The following FHIT variants were observed in gnomAD, a reference collection of about 807,000 sequenced individuals.
FHIT encodes bis(5'-adenosyl)-triphosphatase.
FHIT carries 19 observed loss-of-function variants against 17.9 expected under a neutral mutation model. The ratio of observed to expected loss-of-function variants is 1.06; its 90% CI spans 0.74 to 1.56. FHIT has a LOEUF of 1.56. Ranked by LOEUF, FHIT falls within the 40% of genes most tolerant of loss-of-function variation. The pLI, the probability that FHIT is intolerant of heterozygous loss-of-function variation, is 0.00. For synonymous variants in FHIT, 81 were observed against 69.7 expected (o/e 1.16, Z -0.81); for missense variants, 248 against 189.2 (o/e 1.31, Z -1.82).
chr3:60,711,391 G>A (rs1159529819), intron 4 of FHIT, among the ~76,000 whole-genome samples: 10 of 152,198 alleles, frequency 6.6e-5, no homozygotes, highest in African/African-American at 2.2e-4. Flanking sequence ...AAGGAACGCA[G>A]CTCCTCACCA....
At chr3:61,226,172 A>G (rs551528531) in intron 1 of FHIT, among the ~76,000 whole-genome samples, 26 of 152,330 alleles carry the variant, frequency 1.7e-4, no homozygotes, top group South Asian at 2.1e-4. Context: ...CAAAGATAAC[A>G]GTCGTGGCAT....
At chr3:60,707,053 C>G (rs2041391176) in intron 4 of FHIT, among the ~76,000 whole-genome samples, 1 of 152,168 alleles carries the variant, frequency 6.6e-6, no homozygotes, top group South Asian at 2.1e-4. Context: ...ACATTTTTGA[C>G]ATTTACTTCA....
At chr3:60,978,599 T>G (rs1710362938) in intron 3 of FHIT, among the ~76,000 whole-genome samples, 1 of 152,222 alleles carries the variant, frequency 6.6e-6, no homozygotes, top group Non-Finnish European at 1.5e-5. Context: ...ATTTGCAATC[T>G]GTGTGGTCAC....
intron 8 of FHIT, among the ~76,000 whole-genome samples, chr3:59,848,603 A>G (rs1245812500): frequency 6.6e-6 from 1 of 152,206 alleles, no homozygotes; most frequent in Non-Finnish European, 1.5e-5. Context: ...TTCTTCTGAA[A>G]TTCCCAAAGT....
chr3:60,694,169 G>A (rs1272729643), intron 4 of FHIT, among the ~76,000 whole-genome samples: 1 of 152,132 alleles, frequency 6.6e-6, no homozygotes, highest in African/African-American at 2.4e-5. Context: ...ACATGGGTAA[G>A]GAACAGTAAG....
At chr3:60,420,353 TTTG>T (rs1702422954) in intron 5 of FHIT, among the ~76,000 whole-genome samples, 1 of 152,170 alleles carries the variant, frequency 6.6e-6, no homozygotes, top group African/African-American at 2.4e-5. Context: ...ATCAAAATTC[TTTG>T]TTTTCATTTT....
chr3:60,018,679 T>C (rs998111260), intron 5 of FHIT, among the ~76,000 whole-genome samples: 1 of 152,122 alleles, frequency 6.6e-6, no homozygotes, highest in East Asian at 1.9e-4. Flanking sequence ...TCATAGAGCC[T>C]TAAAACAACA....
chr3:60,262,207 A>C (rs4679650), intron 5 of FHIT, among the ~76,000 whole-genome samples: 2 of 151,928 alleles, frequency 1.3e-5, no homozygotes, highest in East Asian at 1.9e-4. Flanking sequence ...TGAAGATCCA[A>C]AGAATGTCAA....
intron 8 of FHIT, among the ~76,000 whole-genome samples, chr3:59,819,012 G>T (rs1700701272): frequency 6.6e-6 from 1 of 152,222 alleles, no homozygotes; most frequent in Admixed American, 6.5e-5. Flanking sequence ...ACATCCTGGA[G>T]AATTCTCCTG....
intron 5 of FHIT, among the ~76,000 whole-genome samples, chr3:60,336,824 G>A (rs760281080): frequency 3.2e-4 from 48 of 151,646 alleles, no homozygotes; most frequent in Non-Finnish European, 6.2e-4. Context: ...GGCAGAGGAA[G>A]GCATGTGACT....
chr3:60,312,642 G>A (rs1287560325), intron 5 of FHIT, among the ~76,000 whole-genome samples: 1 of 152,104 alleles, frequency 6.6e-6, no homozygotes, highest in Non-Finnish European at 1.5e-5. Flanking sequence ...TAGGTTCCTA[G>A]GGGAGATCTA....
chr3:60,938,802 C>G (rs1044011529), intron 3 of FHIT, among the ~76,000 whole-genome samples: 2 of 152,168 alleles, frequency 1.3e-5, no homozygotes, highest in South Asian at 4.1e-4. Flanking sequence ...CCAAAGAGAG[C>G]TACATGTGTA....
chr3:59,769,338 G>A (rs916117724), intron 8 of FHIT, among the ~76,000 whole-genome samples: 1 of 152,154 alleles, frequency 6.6e-6, no homozygotes, highest in Non-Finnish European at 1.5e-5. Flanking sequence ...TGCCCTCTCT[G>A]TGCTGGCCCC....
chr3:60,863,215 C>G (rs1423253434), intron 3 of FHIT, among the ~76,000 whole-genome samples: 4 of 152,116 alleles, frequency 2.6e-5, no homozygotes, highest in East Asian at 1.9e-4. Flanking sequence ...AGGGTGGAGC[C>G]CTGCCTAACA....
chr3:60,403,403 G>A (rs1260094841), intron 5 of FHIT, among the ~76,000 whole-genome samples: 2 of 152,126 alleles, frequency 1.3e-5, no homozygotes, highest in African/African-American at 2.4e-5. Context: ...CATCGCTGCT[G>A]TCAGGGCTCA....
intron 4 of FHIT, among the ~76,000 whole-genome samples, chr3:60,763,961 C>A (rs543884312): frequency 6.6e-6 from 1 of 152,120 alleles, no homozygotes; most frequent in Non-Finnish European, 1.5e-5. Flanking sequence ...GGTCTCATTT[C>A]ATTTTCCCTA....
intron 5 of FHIT, among the ~76,000 whole-genome samples, chr3:60,446,133 A>G (rs2031316106): frequency 6.6e-6 from 1 of 152,164 alleles, no homozygotes; most frequent in Admixed American, 6.6e-5. Flanking sequence ...AGTTCTTGAG[A>G]GTCCTGGCAT....
chr3:60,945,380 T>C lies in FHIT; in HGVS notation c.-111+96667A>G, dbSNP rs542229589. Among the ~76,000 whole-genome samples, 44 of 151,080 alleles carry C rather than the reference T, an allele frequency of 2.9e-4. 1 individual carries two copies. In the South Asian group the frequency reaches 8.5e-3, roughly 29 times the overall value. The stretch of plus-strand genomic sequence containing the variant: ...AGCCTGAATTTAATTCTAAGGATGA[T>C]GGGGAGTTACTACAGGTTTTTTGTT... On this transcript the variant is annotated intron_variant, in intron 3 of 9. Transcript: ENST00000492590.
At chr3:60,791,914 G>T (rs9878801) in intron 4 of FHIT, among the ~76,000 whole-genome samples, 75,047 of 152,112 alleles carry the variant, frequency 0.49, 19,398 homozygotes, top group African/African-American at 0.63. Context: ...GGAAGTGGAA[G>T]GTAAGCAGTG....
Sources: allele counts gnomAD v4.1 joint callset (sites outside exome capture counted in the v4.1 genomes callset), GRCh38; gene constraint gnomAD v4.1.1; transcripts MANE v1.5; gene names NCBI Gene and HGNC (gene_info 2026-07-23, HGNC 2026-07-21).